ABHD2: variants seen among roughly 807,000 people sequenced by gnomAD.
ABHD2 encodes abhydrolase domain containing 2, acylglycerol lipase, also known as monoacylglycerol lipase ABHD2.
A neutral mutation model predicts 48.1 loss-of-function variants in ABHD2; 20 were observed. The ratio of observed to expected loss-of-function variants is 0.42; its 90% confidence interval spans 0.29 to 0.60. The LOEUF (loss-of-function observed/expected upper bound fraction) is 0.60, where lower values mean the gene tolerates loss of function less well. ABHD2 is among the 20% of genes least tolerant of loss of function. The pLI, the probability that ABHD2 is intolerant of heterozygous loss-of-function variation, is 0.24. For missense variants in ABHD2, 405 were observed against 550.9 expected, an observed-to-expected ratio of 0.74 and a Z score of 2.65; for synonymous variants, 209 against 214.2, an observed-to-expected ratio of 0.98 and a Z score of 0.21.
chr15:89,146,287 T>C lies in ABHD2; in HGVS notation c.195-5390T>C, dbSNP rs1356362308. Among the ~76,000 whole-genome samples, 2 of 152,032 alleles carry C rather than the reference T, an allele frequency of 1.3e-5. No individual in the cohort carries two copies. The highest frequency in any genetic ancestry group is 1.3e-4 in the Admixed American group (2 of 15,266). On this transcript the variant is annotated intron_variant, in intron 3 of 10. Coordinates refer to ENST00000352732, the MANE Select transcript of ABHD2 (RefSeq NM_152924.5). This position sits in a 1 kb window ranked among gnomAD's most constrained non-coding sequence, Gnocchi z 4.2. ...AAAGATGAGCATCAGTCAACTTTAT[T>C]TTTTCAACTCTCTTTTTAAAACACC...
At chr15:89,134,119 T>C (rs2050265015) in intron 3 of ABHD2, among the ~76,000 whole-genome samples, 1 of 152,218 alleles carries the variant, frequency 6.6e-6, no homozygotes, top group South Asian at 2.1e-4. Flanking sequence ...ATTACAGGCG[T>C]GAGCCACGGC....
At chr15:89,132,294 A>C (rs2050232692) in intron 3 of ABHD2, among the ~76,000 whole-genome samples, 1 of 152,204 alleles carries the variant, frequency 6.6e-6, no homozygotes, top group African/African-American at 2.4e-5. Context: ...AATCGCTGTA[A>C]GGGACAAATT....
Position 89,186,606 on chromosome 15 carries a change from A to G in ABHD2, c.815+1090A>G, listed in dbSNP as rs1028953370. 6.6e-6 allele frequency among the ~76,000 whole-genome samples: 1 copy of G among 152,060 alleles called. No homozygotes were observed. Among genetic ancestry groups the G allele is most frequent in the African/African-American group, 2.4e-5 (1 of 41,402 alleles). On this transcript the variant is annotated intron_variant, in intron 7 of 10. Coordinates refer to ENST00000352732, the MANE Select transcript of ABHD2 (RefSeq NM_152924.5). This position sits in a 1 kb window ranked among gnomAD's most constrained non-coding sequence, Gnocchi z 4.3. ...TGTGAAGCCAACTCATCCATGCCCA[A>G]GTTGCTTTTCTTTTGCTTCCCCTCT...
At chr15:89,156,940 T>C (rs547344003) in intron 5 of ABHD2, among the ~76,000 whole-genome samples, 16 of 152,356 alleles carry the variant, frequency 1.1e-4, no homozygotes, top group African/African-American at 3.6e-4. Context: ...CATCTCACCA[T>C]AACTATAATT....
Position 89,185,162 on chromosome 15 carries a change from C to T in ABHD2, c.723-262C>T, listed in dbSNP as rs374299586. 7.2e-5 allele frequency among the ~76,000 whole-genome samples: 11 copies of T among 152,168 alleles called. No homozygotes were observed. In the East Asian group the frequency reaches 7.7e-4, roughly 11 times the overall value. Reference sequence around the variant, plus strand: ...AGGTCCAGGTGCTAGAAGAGAGTGTCGGGGGTGCCACCAACAAAGCCTCTG... The same window carrying T: ...AGGTCCAGGTGCTAGAAGAGAGTGTTGGGGGTGCCACCAACAAAGCCTCTG... On this transcript the variant is annotated intron_variant, in intron 6 of 10. Coordinates refer to ENST00000352732, the MANE Select transcript of ABHD2 (RefSeq NM_152924.5). This position sits in a 1 kb window ranked among gnomAD's most constrained non-coding sequence, Gnocchi z 5.9.
the ABHD2 span, among the ~76,000 whole-genome samples, chr15:89,060,457 C>T: frequency 6.6e-6 from 1 of 152,012 alleles, no homozygotes; most frequent in Non-Finnish European, 1.5e-5. Flanking sequence ...TTTCTCCATA[C>T]TAGAGCTTTA....
chr15:89,148,411 C>T (rs2050533719), intron 3 of ABHD2, among the ~76,000 whole-genome samples: 1 of 151,856 alleles, frequency 6.6e-6, no homozygotes, highest in Non-Finnish European at 1.5e-5. Context: ...CATTTTTTTG[C>T]CCATCAAAGT....
At position 89,188,898 on chromosome 15, in the gene ABHD2, A is replaced by AG. The variant is rs1360541883; in HGVS notation, c.926+596dup. Among the ~76,000 whole-genome samples the AG allele has an allele frequency of 6.6e-6, 1 of 151,298 alleles. No individual in the cohort carries two copies. Among genetic ancestry groups the AG allele is most frequent in the Non-Finnish European group, 1.5e-5 (1 of 67,830 alleles). ...TTCTCAAAATTAAAAAAAAAAAAAAAGAAGTAGAAAAACAGAAGATAGACC... is the reference window on the plus strand; with the variant it reads ...TTCTCAAAATTAAAAAAAAAAAAAAAGGAAGTAGAAAAACAGAAGATAGACC... On this transcript the variant is annotated intron_variant, in intron 8 of 10. Coordinates refer to ENST00000352732, the MANE Select transcript of ABHD2 (RefSeq NM_152924.5). This position sits in a 1 kb window ranked among gnomAD's most constrained non-coding sequence, Gnocchi z 4.1.
rs1476599469 is a variant in ABHD2, at chr15:89,177,423, A to G, written c.722+1428A>G. Among the ~76,000 whole-genome samples, 1 of 152,242 alleles carries G rather than the reference A, an allele frequency of 6.6e-6. No individual in the cohort carries two copies. The highest frequency in any genetic ancestry group is 1.5e-5 in the Non-Finnish European group (1 of 68,046). On this transcript the variant is annotated intron_variant, in intron 6 of 10. Transcript: ENST00000352732. This position sits in a 1 kb window ranked among gnomAD's most constrained non-coding sequence, Gnocchi z 5.6. ...TTCATAAGGAATCACTTGGAGGATC[A>G]TGTTAGAAAGAAATTCTGTTTCTTG...
chr15:89,135,072 A>C (rs36163167), intron 3 of ABHD2, among the ~76,000 whole-genome samples: 29,044 of 149,988 alleles, frequency 0.19, 3,023 homozygotes, highest in Admixed American at 0.31. Context: ...TTCTTTCTTT[A>C]TTTATTTTTA....
At position 89,155,817 on chromosome 15, in the gene ABHD2, G is replaced by C. The variant is rs915899481; in HGVS notation, c.538+283G>C. On this transcript the variant is annotated intron_variant, in intron 5 of 10. Coordinates refer to ENST00000352732, the MANE Select transcript of ABHD2 (RefSeq NM_152924.5). The surrounding 1 kb of genome is among the most constrained non-coding windows in gnomAD (Gnocchi z 4.9). ...CCTAGCTAGTAAGAGTCACAGCAGG[G>C]CTGGGAGCCAGGTAGATCGGGTAGC... Among the ~76,000 whole-genome samples, 1 of 152,158 alleles carries C rather than the reference G, an allele frequency of 6.6e-6. No individual in the cohort carries two copies. The highest frequency in any genetic ancestry group is 2.4e-5 in the African/African-American group (1 of 41,440).
chr15:89,125,094 A>G (rs1253117178), intron 3 of ABHD2, among the ~76,000 whole-genome samples: 5 of 151,874 alleles, frequency 3.3e-5, no homozygotes. Context: ...TGTCTCAAAA[A>G]AAAAAAAACC....
intron 3 of ABHD2, among the ~76,000 whole-genome samples, chr15:89,125,496 A>T (rs911615935): frequency 2.0e-5 from 3 of 152,258 alleles, no homozygotes; most frequent in Admixed American, 6.5e-5. Context: ...AGGCAATTTC[A>T]TCTTAAAATT....
rs1555429068 is a variant in ABHD2, at chr15:89,135,143, C to CTTTTCTT, written c.195-16530_195-16529insCTTTTTT. Among the ~76,000 whole-genome samples the CTTTTCTT allele has an allele frequency of 8.8e-3, 984 of 112,080 alleles. 25 individuals are homozygous for CTTTTCTT. Among genetic ancestry groups the CTTTTCTT allele is most frequent in the African/African-American group, 0.023 (725 of 31,178 alleles). 73.5% of individuals were successfully genotyped at this position (112,080 alleles called of 152,430 possible). On this transcript the variant is annotated intron_variant, in intron 3 of 10. Coordinates refer to ENST00000352732, the MANE Select transcript of ABHD2 (RefSeq NM_152924.5). ...GTCAACAAAATGGCTACAACTTTTT[C>CTTTTCTT]TTTTTTTTTTTTTTTTTTGCAATTA...
Position 89,195,424 on chromosome 15 carries a change from G to A in ABHD2, c.*1G>A, listed in dbSNP as rs750849754. 5.6e-6 allele frequency: 9 copies of A among 1,612,442 alleles called. No homozygotes were observed. In the South Asian group the frequency reaches 6.6e-5, roughly 12 times the overall value. On this transcript the variant is annotated 3_prime_UTR_variant, in exon 11 of 11. Coordinates refer to ENST00000352732, the MANE Select transcript of ABHD2 (RefSeq NM_152924.5). This position sits in a 1 kb window ranked among gnomAD's most constrained non-coding sequence, Gnocchi z 5.1. ...GCAGGTGGAGGCCGACCTGGAGTGAGGCCTCCGGACTCTGGCACGCTCCAG... is the reference window on the plus strand; with the variant it reads ...GCAGGTGGAGGCCGACCTGGAGTGAAGCCTCCGGACTCTGGCACGCTCCAG...
the ABHD2 span, among the ~76,000 whole-genome samples, chr15:89,055,057 C>G: frequency 2.0e-5 from 3 of 152,040 alleles, no homozygotes; most frequent in East Asian, 3.9e-4. Flanking sequence ...AAGACCCCAT[C>G]TCTATGGCGC....
intron 3 of ABHD2, among the ~76,000 whole-genome samples, chr15:89,124,076 TCATAG>T (rs2050095602): frequency 1.3e-5 from 2 of 152,226 alleles, no homozygotes; most frequent in African/African-American, 4.8e-5. Flanking sequence ...ACTATATTTG[TCATAG>T]ATATGCAAAA....
intron 9 of ABHD2, among the ~76,000 whole-genome samples, chr15:89,192,684 T>C (rs1484153059): frequency 6.6e-6 from 1 of 152,106 alleles, no homozygotes; most frequent in Non-Finnish European, 1.5e-5. Flanking sequence ...TAGATTCTTT[T>C]GATTTGTTCT....
chr15:89,165,659 G>T (rs2050827747), intron 5 of ABHD2, among the ~76,000 whole-genome samples: 1 of 152,256 alleles, frequency 6.6e-6, no homozygotes, highest in East Asian at 1.9e-4. Flanking sequence ...TGTCATGTGG[G>T]TGAGGTCAAT....
Sources: allele counts gnomAD v4.1 joint callset (sites outside exome capture counted in the v4.1 genomes callset), GRCh38; gene constraint gnomAD v4.1.1; non-coding constraint Gnocchi (gnomAD v3.1); transcripts MANE v1.5; gene names NCBI Gene and HGNC (gene_info 2026-07-23, HGNC 2026-07-21).